CTTNBP2: variants seen among roughly 807,000 people sequenced by gnomAD.
The protein encoded by CTTNBP2 is cortactin binding protein 2.
CTTNBP2 carries 108 observed loss-of-function variants against 156.9 expected under a neutral mutation model. The observed-to-expected ratio is 0.69, with a 90% CI of 0.59 to 0.81. The LOEUF is 0.81. Ranked by LOEUF, CTTNBP2 falls within the 30% of genes least tolerant of loss-of-function variation. The pLI, the probability that CTTNBP2 is intolerant of heterozygous loss-of-function variation, is 0.00. For synonymous variants in CTTNBP2, 767 were observed against 751.8 expected (o/e 1.02, Z -0.33); for missense variants, 1,924 against 2,035.4 (o/e 0.95, Z 1.05).
chr7:117,817,673 A>C (rs1800699475), intron 2 of CTTNBP2, among the ~76,000 whole-genome samples: 1 of 151,982 alleles, frequency 6.6e-6, no homozygotes. Context: ...CCAATTTCAA[A>C]ACATACTGAC....
intron 16 of CTTNBP2, among the ~76,000 whole-genome samples, chr7:117,732,519 G>A (rs567363038): frequency 2.5e-4 from 38 of 151,770 alleles, no homozygotes; most frequent in East Asian, 1.4e-3. Flanking sequence ...GCGTGGTGGC[G>A]GGCGCCTGTA....
At position 117,792,385 on chromosome 7, in the gene CTTNBP2, T is replaced by G; in HGVS notation, c.811A>C (p.Arg271=). Residue 271 remains arginine, a synonymous_variant, in exon 4 of 23, where the codon AGG becomes CGG. Coordinates refer to ENST00000160373, the MANE Select transcript of CTTNBP2 (RefSeq NM_033427.3). The surrounding 1 kb of genome is among the most constrained non-coding windows in gnomAD (Gnocchi z 4.2). The part of the protein sequence containing the change: ...KMRKMIEQLK[R]GSDSKPSLSL... ...AGGCTTGGTTTGCTGTCACTTCCCC[T>G]TTTCAGTTGCTCAATCATTTTCCTC... The G allele has an allele frequency of 6.2e-7, 1 of 1,614,178 alleles. No individual in the cohort carries two copies. Among genetic ancestry groups the G allele is most frequent in the Non-Finnish European group, 8.5e-7 (1 of 1,180,042 alleles).
rs983760227 is a variant in CTTNBP2 at position 117,792,635 on chromosome 7, C to G, written c.561G>C (p.Glu187Asp). Residue 187 changes from glutamate (E) to aspartate (D), a missense_variant, in exon 4 of 23, where the codon GAG (glutamate) becomes GAC (aspartate). By Grantham distance (45) the Glu-to-Asp change is conservative. Coordinates refer to ENST00000160373, the MANE Select transcript of CTTNBP2 (RefSeq NM_033427.3). The surrounding 1 kb of genome is among the most constrained non-coding windows in gnomAD (Gnocchi z 4.2). ...TTACGTCTTCGAGCTTCTGGGCCTC[C>G]TCTATGACTTTGCCTGAGAGCTGCT... ...ECKQLSGKVI[E>D]EAQKLEDVMA... The G allele has an allele frequency of 3.1e-6, 5 of 1,614,120 alleles. No individual in the cohort carries two copies. In the Admixed American group the frequency reaches 8.3e-5, roughly 27 times the overall value.
intron 1 of CTTNBP2, 56 bp downstream of exon 1, chr7:117,873,279 G>C: frequency 8.0e-7 from 1 of 1,255,540 alleles, no homozygotes; most frequent in Non-Finnish European, 1.0e-6. Context: ...GGACCCCGGC[G>C]CCGCCCCCGG....
At chr7:117,773,065 T>A (rs1290748207) in intron 8 of CTTNBP2, among the ~76,000 whole-genome samples, 3 of 152,194 alleles carry the variant, frequency 2.0e-5, no homozygotes, top group African/African-American at 7.2e-5. Flanking sequence ...AGCATTACAA[T>A]AGAGTTCAAA....
chr7:117,753,732 G>A (rs1270968387), intron 12 of CTTNBP2, among the ~76,000 whole-genome samples: 1 of 151,624 alleles, frequency 6.6e-6, no homozygotes, highest in Non-Finnish European at 1.5e-5. Flanking sequence ...TGGTGGAGGG[G>A]GTGGAACAAC....
At chr7:117,797,934 CAA>C (rs1013255428) in intron 3 of CTTNBP2, among the ~76,000 whole-genome samples, 1 of 151,922 alleles carries the variant, frequency 6.6e-6, no homozygotes, top group African/African-American at 2.4e-5. Flanking sequence ...ATTAAAAAGG[CAA>C]ACTTACAAAT....
intron 14 of CTTNBP2, 109 bp from the exon 15 acceptor site, chr7:117,735,530 A>G: frequency 1.1e-6 from 1 of 908,204 alleles, no homozygotes; most frequent in South Asian, 1.7e-5. Context: ...GATGTGGTAT[A>G]ATGGGAATGT....
intron 2 of CTTNBP2, among the ~76,000 whole-genome samples, chr7:117,831,664 T>C (rs1443868427): frequency 7.4e-6 from 1 of 135,750 alleles, no homozygotes; most frequent in African/African-American, 2.6e-5. Context: ...ACTTGACAGT[T>C]TCAATGGATC....
intron 14 of CTTNBP2, among the ~76,000 whole-genome samples, chr7:117,741,357 G>C (rs1796006470): frequency 6.6e-6 from 1 of 152,152 alleles, no homozygotes; most frequent in Admixed American, 6.5e-5. Context: ...GATGAACCTT[G>C]TATTTGTATC....
Position 117,711,707 on chromosome 7 carries a change from T to C in CTTNBP2, c.4822A>G (p.Arg1608Gly), listed in dbSNP as rs1383017584. The C allele has an allele frequency of 1.9e-6, 3 of 1,614,092 alleles. No homozygotes were observed. The highest frequency in any genetic ancestry group is 2.2e-5 in the South Asian group (2 of 91,088). ...GGAACAGGAAGAAAAGATTTAACTC[T>C]TGAAACACCCAACTCAGTCTTTGAT... ...SKSKTELGVS[R>G]VKSFLPVPRS... Residue 1608 changes from arginine (R) to glycine (G), a missense_variant, in exon 23 of 23, where the codon AGA (arginine) becomes GGA (glycine). Transcript: ENST00000160373.
chr7:117,847,819 CTTTTTTTTTTTTTTTTT>C lies in CTTNBP2; in HGVS notation c.189+13373_189+13389del, dbSNP rs201419286. ...TTTTTATAGATCTTCTTTGCCTAAC[CTTTTTTTTTTTTTTTTT>C]TTTTTTTTTTTTTTGAGACAGAGTC... On this transcript the variant is annotated intron_variant, in intron 2 of 22. Transcript: ENST00000160373. Among the ~76,000 whole-genome samples, 64 of 91,358 alleles carry C rather than the reference CTTTTTTTTTTTTTTTTT, an allele frequency of 7.0e-4. 1 individual carries two copies. The highest frequency in any genetic ancestry group is 7.1e-4 in the African/African-American group (15 of 21,012). 59.9% of individuals were successfully genotyped at this position (91,358 alleles called of 152,430 possible).
At chr7:117,837,538 G>A (rs1040117904) in intron 2 of CTTNBP2, among the ~76,000 whole-genome samples, 2 of 152,002 alleles carry the variant, frequency 1.3e-5, no homozygotes, top group Non-Finnish European at 2.9e-5. Context: ...GAATTATTTT[G>A]AATTTCAGAT....
chr7:117,784,542 A>C, intron 4 of CTTNBP2, 88 bp from the exon 5 acceptor site: 1 of 833,508 alleles, frequency 1.2e-6, no homozygotes, highest in Non-Finnish European at 1.8e-6. Context: ...CACACACACA[A>C]ACATATGAAC....
rs75603946 is a variant in CTTNBP2 at position 117,787,377 on chromosome 7, C to T, written c.2069-2923G>A. On this transcript the variant is annotated intron_variant, in intron 4 of 22. Coordinates refer to ENST00000160373, the MANE Select transcript of CTTNBP2 (RefSeq NM_033427.3). ...CAATGGCAGAGGGAAGGAGTGAGAACAGCTTCTGGCATCAGCTTCAGAGGG... is the reference window on the plus strand; with the variant it reads ...CAATGGCAGAGGGAAGGAGTGAGAATAGCTTCTGGCATCAGCTTCAGAGGG... 5.1e-4 allele frequency among the ~76,000 whole-genome samples: 78 copies of T among 152,316 alleles called. 2 individuals carry two copies. In the East Asian group the frequency reaches 0.014, roughly 27 times the overall value.
chr7:117,852,042 A>C (rs1353973120), intron 2 of CTTNBP2, among the ~76,000 whole-genome samples: 2 of 152,174 alleles, frequency 1.3e-5, no homozygotes, highest in East Asian at 3.8e-4. Context: ...TGAACTTTCT[A>C]ACAAGGCCAA....
chr7:117,795,166 G>A (rs1799249039), intron 3 of CTTNBP2, among the ~76,000 whole-genome samples: 1 of 7,998 alleles, frequency 1.3e-4, no homozygotes, highest in Admixed American at 1.8e-3. Flanking sequence ...AAAGTGCTGG[G>A]ATTACAGGCG....
At chr7:117,789,422 A>G (rs1226214709) in intron 4 of CTTNBP2, among the ~76,000 whole-genome samples, 1 of 152,126 alleles carries the variant, frequency 6.6e-6, no homozygotes, top group Non-Finnish European at 1.5e-5. Context: ...TGCTCCACAC[A>G]TTTCTGGAAC....
At chr7:117,729,744 C>T (rs957737452) in intron 16 of CTTNBP2, among the ~76,000 whole-genome samples, 1 of 152,076 alleles carries the variant, frequency 6.6e-6, no homozygotes, top group African/African-American at 2.4e-5. Flanking sequence ...TTTCAGATCC[C>T]TTCCAGACTG....
Sources: allele counts gnomAD v4.1 joint callset (sites outside exome capture counted in the v4.1 genomes callset), GRCh38; gene constraint gnomAD v4.1.1; non-coding constraint Gnocchi (gnomAD v3.1); transcripts MANE v1.5; gene names NCBI Gene and HGNC (gene_info 2026-07-23, HGNC 2026-07-21).